CROCC2: variants seen among roughly 807,000 people sequenced by gnomAD.
CROCC2 encodes the protein ciliary rootlet coiled-coil, rootletin family member 2, also known as ciliary rootlet coiled-coil protein 2.
A neutral mutation model predicts 177.6 loss-of-function variants in CROCC2; 163 were observed. The observed-to-expected ratio is 0.92, with a 90% CI of 0.81 to 1.05. CROCC2 has a LOEUF of 1.05. Among genes scored for constraint, CROCC2 ranks in the 50% least tolerant of loss-of-function variants. The pLI is 0.00. For synonymous variants in CROCC2, 904 were observed against 787.3 expected (o/e 1.15, Z -2.48); for missense variants, 1,929 against 1,797.8 (o/e 1.07, Z -1.32).
At chr2:240,926,880 C>G (rs4675846) in intron 5 of CROCC2, among the ~76,000 whole-genome samples, 1,563 of 152,372 alleles carry the variant, frequency 0.01, 90 homozygotes, top group Admixed American at 0.074. Flanking sequence ...CCTTCTGGCT[C>G]GAGGCGTTTG....
At chr2:240,937,407 C>A (rs2059477312) in intron 14 of CROCC2, among the ~76,000 whole-genome samples, 1 of 152,154 alleles carries the variant, frequency 6.6e-6, no homozygotes, top group African/African-American at 2.4e-5. Flanking sequence ...ATTTATATAT[C>A]ATGGATACAA....
chr2:240,910,230 C>T (rs1045407508), intron 1 of CROCC2, among the ~76,000 whole-genome samples: 4 of 152,116 alleles, frequency 2.6e-5, no homozygotes, highest in African/African-American at 9.7e-5. Flanking sequence ...GTATCTGTGA[C>T]TGCCTTGAGG....
Position 240,983,729 on chromosome 2 carries a change from G to T in CROCC2, c.4551+700G>T. 6.1e-6 allele frequency: 5 copies of T among 819,884 alleles called. No homozygotes were observed. In the South Asian group the frequency reaches 7.3e-5, roughly 12 times the overall value. The allele number at this position is 819,884 out of a possible 1,614,324, so 50.8% of individuals were successfully genotyped here. On this transcript the variant is annotated intron_variant, in intron 28 of 31. Coordinates refer to ENST00000690015, the MANE Select transcript of CROCC2 (RefSeq NM_001351305.2). ...TAAGCTCAGGGTCAGGACGCCCGCA[G>T]GTGGCCACAGCCCTGCCAGTGGTGT...
Position 240,922,656 on chromosome 2 carries a change from G to T in CROCC2, c.488+11G>T. 1.7e-6 allele frequency: 1 copy of T among 605,976 alleles called. No individual in the cohort carries two copies. The allele number at this position is 605,976 out of a possible 1,614,324, so 37.5% of individuals were successfully genotyped here. A position where few individuals can be genotyped will look rare whatever the true frequency, so the allele number is the denominator to read the frequency against. ...GGCTGCCGAGGAGAGGTGAGGCCAG[G>T]TGCGGGGCAGTCAGGGCTGCAGGAA... On this transcript the variant is annotated intron_variant, in intron 4 of 31. Transcript: ENST00000690015.
Position 240,935,418 on chromosome 2 carries a change from C to T in CROCC2, c.1999C>T (p.Arg667Trp), listed in dbSNP as rs1308658336. The change falls in exon 14 of 32, where the codon CGG (arginine) becomes TGG (tryptophan). Residue 667 changes from arginine to tryptophan, a missense_variant. Coordinates refer to ENST00000690015, the MANE Select transcript of CROCC2 (RefSeq NM_001351305.2). ...QRKTLEQERA[R>W]AGEQLAQAEQ... is the part of the protein sequence containing the mutation. ...GAAGACTCTGGAGCAGGAACGGGCC[C>T]GGGCCGGGGAGCAGCTGGCACAGGC... The T allele has an allele frequency of 1.0e-5, 14 of 1,374,876 alleles. No individual in the cohort carries two copies. Among genetic ancestry groups the T allele is most frequent in the Non-Finnish European group, 1.2e-5 (13 of 1,058,678 alleles). 85.2% of individuals were successfully genotyped at this position (1,374,876 alleles called of 1,614,324 possible).
rs1461671770 is a variant in CROCC2 at position 240,953,982 on chromosome 2, A to C, written c.2830-1877A>C. The stretch of plus-strand genomic sequence containing the variant: ...TACTCCCTTGCTGTGTCCAGTAATG[A>C]GGGGTACAGGAGGGAGAGGCAGGGC... On this transcript the variant is annotated intron_variant, in intron 18 of 31. Transcript: ENST00000690015. This position sits in a 1 kb window ranked among gnomAD's most constrained non-coding sequence, Gnocchi z 4.0. Among the ~76,000 whole-genome samples the C allele has an allele frequency of 6.6e-6, 1 of 152,158 alleles. No homozygotes were observed. The highest frequency in any genetic ancestry group is 2.4e-5 in the African/African-American group (1 of 41,436).
In CROCC2 at chr2:240,933,721, TGCTGCAG is replaced by T; in HGVS notation, c.1516_1522del (p.Ala506MetfsTer67). 6.5e-7 allele frequency: 1 copy of T among 1,550,280 alleles called. No individual in the cohort carries two copies. Among genetic ancestry groups the T allele is most frequent in the South Asian group, 1.2e-5 (1 of 84,046 alleles). ...TGGAGGAGCTGAAAGGGAAGGCAGATGCTGCAGATGCGGAGAAGCAGGGGCTGGAGGC... is the reference window on the plus strand; with the variant it reads ...TGGAGGAGCTGAAAGGGAAGGCAGATATGCGGAGAAGCAGGGGCTGGAGGC... On this transcript the variant is annotated frameshift_variant, in exon 11 of 32. Transcript: ENST00000690015. LOFTEE classifies it high-confidence loss of function.
intron 20 of CROCC2, among the ~76,000 whole-genome samples, chr2:240,962,717 G>A (rs550776298): frequency 2.8e-4 from 43 of 152,258 alleles, no homozygotes; most frequent in Admixed American, 1.8e-3. Context: ...TGGGACACAC[G>A]AGAGCCGGAA....
chr2:240,962,547 G>A (rs1218117757), intron 20 of CROCC2, among the ~76,000 whole-genome samples: 3 of 152,256 alleles, frequency 2.0e-5, no homozygotes, highest in South Asian at 2.1e-4. Flanking sequence ...CAATAACAGC[G>A]GCAGCCTCGG....
chr2:240,964,350 C>A, intron 21 of CROCC2, 116 bp from the exon 22 acceptor site: 2 of 1,255,856 alleles, frequency 1.6e-6, no homozygotes, highest in Non-Finnish European at 2.2e-6. Flanking sequence ...TTTGAGGACA[C>A]TGTGCAGAGT....
intron 14 of CROCC2, among the ~76,000 whole-genome samples, chr2:240,939,847 T>A (rs2059487043): frequency 6.6e-6 from 1 of 152,128 alleles, no homozygotes; most frequent in Non-Finnish European, 1.5e-5. Flanking sequence ...CCAAATAGGG[T>A]TTTCTAAATG....
chr2:240,952,516 C>G (rs893002195), intron 18 of CROCC2, among the ~76,000 whole-genome samples: 1 of 152,244 alleles, frequency 6.6e-6, no homozygotes, highest in African/African-American at 2.4e-5. Flanking sequence ...TGCAGTGCAC[C>G]TGCTGGGCAC....
At chr2:240,926,105 G>A (rs2059394179) in intron 5 of CROCC2, among the ~76,000 whole-genome samples, 1 of 152,216 alleles carries the variant, frequency 6.6e-6, no homozygotes, top group Non-Finnish European at 1.5e-5. Flanking sequence ...CCCGGAGAAG[G>A]AGGGCAGGGA....
intron 20 of CROCC2, among the ~76,000 whole-genome samples, chr2:240,961,458 G>A (rs543323787): frequency 5.3e-5 from 8 of 151,858 alleles, no homozygotes; most frequent in Non-Finnish European, 8.8e-5. Flanking sequence ...CATACGTAGT[G>A]CATGCACAGG....
Position 240,960,910 on chromosome 2 carries a change from G to A in CROCC2, c.3087+1466G>A, listed in dbSNP as rs2059627900. Among the ~76,000 whole-genome samples the A allele has an allele frequency of 1.3e-5, 2 of 151,542 alleles. No individual in the cohort carries two copies. The highest frequency in any genetic ancestry group is 2.9e-5 in the Non-Finnish European group (2 of 67,846). On this transcript the variant is annotated intron_variant, in intron 20 of 31. Transcript: ENST00000690015. This position sits in a 1 kb window ranked among gnomAD's most constrained non-coding sequence, Gnocchi z 5.0. ...AGCAAAACGAGATTGCAAAACTGGGGGCAGCAGGGGGAGGGGGAGGGGGAG... is the reference window on the plus strand; with the variant it reads ...AGCAAAACGAGATTGCAAAACTGGGAGCAGCAGGGGGAGGGGGAGGGGGAG...
chr2:240,956,635 G>A (rs1281800429), intron 19 of CROCC2, among the ~76,000 whole-genome samples: 4 of 152,234 alleles, frequency 2.6e-5, no homozygotes, highest in Non-Finnish European at 5.9e-5. Flanking sequence ...AGTCCAGGGG[G>A]CTGGACAGGC....
At chr2:240,929,921 C>A (rs903689030) in intron 5 of CROCC2, among the ~76,000 whole-genome samples, 1 of 152,230 alleles carries the variant, frequency 6.6e-6, no homozygotes, top group Non-Finnish European at 1.5e-5. Context: ...TCCATGCACG[C>A]AGGCTGGCCT....
intron 1 of CROCC2, among the ~76,000 whole-genome samples, chr2:240,911,590 G>A (rs1017782946): frequency 1.3e-4 from 20 of 152,056 alleles, no homozygotes; most frequent in East Asian, 9.6e-4. Context: ...AAGCCGCCAC[G>A]CCCGGCCCCA....
chr2:240,952,070 G>A (rs2059559821), intron 18 of CROCC2, among the ~76,000 whole-genome samples: 1 of 152,176 alleles, frequency 6.6e-6, no homozygotes, highest in African/African-American at 2.4e-5. Flanking sequence ...TACAGGCCGG[G>A]TGCTGTGGCT....
Sources: allele counts gnomAD v4.1 joint callset (sites outside exome capture counted in the v4.1 genomes callset), GRCh38; gene constraint gnomAD v4.1.1; non-coding constraint Gnocchi (gnomAD v3.1); transcripts MANE v1.5; gene names NCBI Gene and HGNC (gene_info 2026-07-23, HGNC 2026-07-21).